PSMA1: variants seen among roughly 807,000 people sequenced by gnomAD.
The protein encoded by PSMA1 is proteasome 20S subunit alpha 1.
Under a neutral mutation model 38.4 loss-of-function variants are expected in PSMA1, and 3 were observed. That is an observed-to-expected ratio of 0.08 (90% CI 0.04 to 0.20). The LOEUF is 0.20. PSMA1 is among the 10% of genes least tolerant of loss of function. The probability of loss-of-function intolerance (pLI) is 1.00; values close to 1 mark genes in which losing one functional copy is unlikely to be tolerated. For synonymous variants in PSMA1, 101 were observed against 107.1 expected, an observed-to-expected ratio of 0.94 and a Z score of 0.35; for missense variants, 227 against 325.3, an observed-to-expected ratio of 0.70 and a Z score of 2.32.
At chr11:14,642,055 C>T (rs535462521) in intron 1 of PSMA1, among the ~76,000 whole-genome samples, 1 of 152,262 alleles carries the variant, frequency 6.6e-6, no homozygotes, top group Admixed American at 6.5e-5. Context: ...GATCACGTGC[C>T]AATCCTACTT....
At chr11:14,638,558 TATATATATATATATATATATATATATA>T (rs1236061710) in intron 1 of PSMA1, among the ~76,000 whole-genome samples, 3 of 11,702 alleles carry the variant, frequency 2.6e-4, no homozygotes, top group African/African-American at 6.3e-4. Flanking sequence ...TATATATATA[TATATATATATATATATATATATATATA>T]TTTTTTTTTT....
At chr11:14,626,893 T>C (rs1009508724) in intron 1 of PSMA1, among the ~76,000 whole-genome samples, 3 of 152,128 alleles carry the variant, frequency 2.0e-5, no homozygotes, top group African/African-American at 7.2e-5. Flanking sequence ...CAAAACACCA[T>C]AGATTGGGTA....
At chr11:14,642,458 T>G (rs1372237533) in intron 1 of PSMA1, among the ~76,000 whole-genome samples, 1 of 152,210 alleles carries the variant, frequency 6.6e-6, no homozygotes, top group East Asian at 1.9e-4. Flanking sequence ...ACTTTTTCAT[T>G]TTGGTTAAAT....
intron 2 of PSMA1, among the ~76,000 whole-genome samples, chr11:14,590,786 C>T (rs183509789): frequency 1.3e-5 from 2 of 152,228 alleles, no homozygotes; most frequent in Non-Finnish European, 2.9e-5. Context: ...GAGACCCGCA[C>T]GCCCAGATGA....
At chr11:14,561,980 A>G (rs2575843) in intron 2 of PSMA1, among the ~76,000 whole-genome samples, 16,798 of 152,226 alleles carry the variant, frequency 0.11, 1,164 homozygotes, top group African/African-American at 0.2. Context: ...TAATTCATGG[A>G]ATTTCTTACA....
intron 4 of PSMA1, among the ~76,000 whole-genome samples, chr11:14,514,834 C>T (rs1474523581): frequency 6.6e-6 from 1 of 152,154 alleles, no homozygotes; most frequent in Non-Finnish European, 1.5e-5. Flanking sequence ...TTCTAGATCT[C>T]GAACCAGCAA....
chr11:14,507,124 T>C (rs1195388055), intron 9 of PSMA1, among the ~76,000 whole-genome samples: 1 of 152,056 alleles, frequency 6.6e-6, no homozygotes, highest in Non-Finnish European at 1.5e-5. Context: ...GGTAGCTTAT[T>C]ACCTAGCAAT....
rs543576211 is a variant in PSMA1 at position 14,558,771 on chromosome 11, G to A, written c.22-39730C>T. 8.7e-4 allele frequency among the ~76,000 whole-genome samples: 132 copies of A among 152,360 alleles called. 1 individual carries two copies. The highest frequency in any genetic ancestry group is 2.2e-4 in the Non-Finnish European group (15 of 68,030). ...GCCACTGGGAGGGGGCTAGGTTGTGGTTTCCATCCTCCCTGTCCAGTTGGT... is the reference window on the plus strand; with the variant it reads ...GCCACTGGGAGGGGGCTAGGTTGTGATTTCCATCCTCCCTGTCCAGTTGGT... On this transcript the variant is annotated intron_variant, in intron 2 of 10. Transcript: ENST00000418988.
chr11:14,511,474 G>C (rs1851341971), intron 7 of PSMA1, among the ~76,000 whole-genome samples: 2 of 151,802 alleles, frequency 1.3e-5, no homozygotes, highest in Non-Finnish European at 2.9e-5. Flanking sequence ...ATATACAAGT[G>C]AGATTTATCC....
intron 2 of PSMA1, among the ~76,000 whole-genome samples, chr11:14,578,687 G>A (rs1178993591): frequency 2.0e-5 from 3 of 152,340 alleles, no homozygotes; most frequent in Non-Finnish European, 4.4e-5. Context: ...AGCTATCTAC[G>A]TAAACAGGAA....
rs573309843 is a variant in PSMA1 at position 14,525,846 on chromosome 11, TACTTCA to T, written c.22-6811_22-6806del. On this transcript the variant is annotated intron_variant, in intron 2 of 10. Transcript: ENST00000418988. ...GCAAGGCTTCAGGGACAGCCCTCATTACTTCAGCCAAGCTCTTTCCCTTGATTTACT... is the reference window on the plus strand; with the variant it reads ...GCAAGGCTTCAGGGACAGCCCTCATTGCCAAGCTCTTTCCCTTGATTTACT... 4.9e-4 allele frequency among the ~76,000 whole-genome samples: 74 copies of T among 152,288 alleles called. 1 individual carries two copies. Among genetic ancestry groups the T allele is most frequent in the African/African-American group, 1.6e-3 (68 of 41,564 alleles).
At chr11:14,574,598 T>A (rs1852190302) in intron 2 of PSMA1, among the ~76,000 whole-genome samples, 2 of 152,198 alleles carry the variant, frequency 1.3e-5, no homozygotes, top group African/African-American at 2.4e-5. Flanking sequence ...GGTAATTGAA[T>A]GATGGGGGTG....
At chr11:14,571,610 G>A (rs931780119) in intron 2 of PSMA1, among the ~76,000 whole-genome samples, 27 of 152,160 alleles carry the variant, frequency 1.8e-4, no homozygotes, top group South Asian at 2.1e-4. Flanking sequence ...ATCAACTAAC[G>A]AGCAAAATAA....
intron 2 of PSMA1, among the ~76,000 whole-genome samples, chr11:14,527,322 ATC>A (rs1412691426): frequency 6.6e-6 from 1 of 152,012 alleles, no homozygotes; most frequent in African/African-American, 2.4e-5. Flanking sequence ...CCACCTATCA[ATC>A]TCTTCCCAAA....
At chr11:14,545,338 C>A (rs1418680066) in intron 2 of PSMA1, among the ~76,000 whole-genome samples, 1 of 152,150 alleles carries the variant, frequency 6.6e-6, no homozygotes, top group Non-Finnish European at 1.5e-5. Flanking sequence ...TACCAGGATA[C>A]ACGTGCAGGA....
Position 14,517,942 on chromosome 11 carries a change from T to C in PSMA1, c.88A>G (p.Lys30Glu). ...HQIEYAMEAV[K>E]QGSATVGLKS... ...AGACCAACTGTGGCTGAACCTTGTT[T>C]AACAGCTTCCATTGCATATTCAATT... Residue 30 changes from lysine to glutamate, a missense_variant, in exon 3 of 10, where the codon AAA becomes GAA. Transcript: ENST00000396394. The C allele has an allele frequency of 6.2e-7, 1 of 1,609,176 alleles. No homozygotes were observed. Among genetic ancestry groups the C allele is most frequent in the Non-Finnish European group, 8.5e-7 (1 of 1,178,554 alleles).
Position 14,631,833 on chromosome 11 carries a change from T to C in PSMA1, c.-166+11622A>G, listed in dbSNP as rs1436709307. Among the ~76,000 whole-genome samples, 388 of 151,666 alleles carry C rather than the reference T, an allele frequency of 2.6e-3. 2 individuals are homozygous for C. The highest frequency in any genetic ancestry group is 4.6e-3 in the Non-Finnish European group (310 of 67,936). On this transcript the variant is annotated intron_variant, in intron 1 of 10. Coordinates refer to the PSMA1 transcript ENST00000418988. ...TTTGTAGGTCACTCAGGACTTGCTT[T>C]ATGAATCTTGGTGCTCCTGTATTGG...
chr11:14,583,584 C>T (rs1282622940), intron 2 of PSMA1, among the ~76,000 whole-genome samples: 3 of 152,182 alleles, frequency 2.0e-5, no homozygotes, highest in African/African-American at 4.8e-5. Context: ...CAGGGCAAAC[C>T]TGCAGATGAT....
rs77999979 is a variant in PSMA1, at chr11:14,531,525, C to T, written c.22-12484G>A. ...TCTCCCAGGCTAGAGTGCAATGGCGCGAACTTAGCTCACCGTAGCCTCGAC... is the reference window on the plus strand; with the variant it reads ...TCTCCCAGGCTAGAGTGCAATGGCGTGAACTTAGCTCACCGTAGCCTCGAC... On this transcript the variant is annotated intron_variant, in intron 2 of 10. Coordinates refer to the PSMA1 transcript ENST00000418988. Among the ~76,000 whole-genome samples the T allele has an allele frequency of 1.6e-3, 243 of 152,262 alleles. 7 individuals carry two copies. In the East Asian group the frequency reaches 0.042, roughly 26 times the overall value.
Sources: gnomAD v4.1 joint callset for allele counts (sites outside exome capture counted in the v4.1 genomes callset) on GRCh38, gnomAD v4.1.1 for gene constraint, MANE v1.5 for transcripts, NCBI Gene and HGNC (gene_info 2026-07-23, HGNC 2026-07-21) for gene names.